NRF1: variants seen among roughly 807,000 people sequenced by gnomAD.
NRF1 encodes the protein alpha palindromic-binding protein.
Under a neutral mutation model 58.5 loss-of-function variants are expected in NRF1, and 5 were observed. The observed-to-expected ratio is 0.09, with a 90% CI of 0.04 to 0.18. NRF1 has a LOEUF of 0.18. NRF1 is among the 10% of genes least tolerant of loss of function. The probability of loss-of-function intolerance (pLI) is 1.00; values close to 1 mark genes in which losing one functional copy is unlikely to be tolerated. For missense variants in NRF1, 288 were observed against 657.7 expected (o/e 0.44, Z 6.15); for synonymous variants, 224 against 246.7 (o/e 0.91, Z 0.86).
At chr7:129,631,590 G>A (rs1366618478) in intron 1 of NRF1, among the ~76,000 whole-genome samples, 3 of 152,114 alleles carry the variant, frequency 2.0e-5, no homozygotes, top group Non-Finnish European at 4.4e-5. Context: ...TCAGGGAGAA[G>A]CCTATTCAGT....
At chr7:129,745,840 A>T (rs1803964772) in intron 10 of NRF1, among the ~76,000 whole-genome samples, 1 of 152,230 alleles carries the variant, frequency 6.6e-6, no homozygotes, top group South Asian at 2.1e-4. Context: ...CTTGAGATAT[A>T]TTTACTAATA....
At chr7:129,700,782 G>A (rs188301296) in intron 5 of NRF1, among the ~76,000 whole-genome samples, 1 of 152,232 alleles carries the variant, frequency 6.6e-6, no homozygotes, top group Admixed American at 6.5e-5. Flanking sequence ...GCCAGGCATG[G>A]TGGTGCATCC....
chr7:129,721,124 T>A (rs1318208090), intron 9 of NRF1, among the ~76,000 whole-genome samples: 1 of 152,188 alleles, frequency 6.6e-6, no homozygotes, highest in East Asian at 1.9e-4. Context: ...AGTGATTAAT[T>A]TGAACTTTCA....
chr7:129,655,109 GT>G (rs1474228972), intron 1 of NRF1, among the ~76,000 whole-genome samples: 1 of 151,906 alleles, frequency 6.6e-6, no homozygotes, highest in Non-Finnish European at 1.5e-5. Flanking sequence ...TCTCTATTTA[GT>G]TTTTATTTGA....
chr7:129,646,923 T>C (rs570096552), intron 1 of NRF1, among the ~76,000 whole-genome samples: 6 of 152,338 alleles, frequency 3.9e-5, no homozygotes, highest in African/African-American at 1.2e-4. Context: ...GCTTTAGTTA[T>C]TAAAATGTGC....
At chr7:129,703,798 G>C (rs905404760) in intron 5 of NRF1, among the ~76,000 whole-genome samples, 6 of 152,166 alleles carry the variant, frequency 3.9e-5, no homozygotes, top group African/African-American at 7.2e-5. Flanking sequence ...GCTGATTTCA[G>C]TCTGGTTCCA....
intron 8 of NRF1, among the ~76,000 whole-genome samples, chr7:129,715,168 A>G (rs1398599751): frequency 6.6e-6 from 1 of 152,220 alleles, no homozygotes; most frequent in Non-Finnish European, 1.5e-5. Context: ...TACTAAAATC[A>G]GTAGTTCTGT....
chr7:129,679,591 C>CT (rs1802259843), intron 4 of NRF1, among the ~76,000 whole-genome samples: 1 of 150,362 alleles, frequency 6.7e-6, no homozygotes, highest in Admixed American at 6.6e-5. Flanking sequence ...GGCCTGGTGG[C>CT]ACATGCCTGT....
chr7:129,674,812 G>A lies in NRF1; in HGVS notation c.339-2820G>A, dbSNP rs114511893. Among the ~76,000 whole-genome samples, 758 of 152,260 alleles carry A rather than the reference G, an allele frequency of 5.0e-3. 8 individuals carry two copies. Among genetic ancestry groups the A allele is most frequent in the African/African-American group, 0.017 (702 of 41,558 alleles). On this transcript the variant is annotated intron_variant, in intron 3 of 10. Transcript: ENST00000393232. ...ACTCATAATCTTATTGCTGGTTGAC[G>A]GTCTTGCCTCGATGTTGATGACTGC... is the stretch of plus-strand genomic sequence containing the variant.
In NRF1 at chr7:129,754,895, T is replaced by C. The variant is rs999343722; in HGVS notation, c.1349-123T>C. On this transcript the variant is annotated intron_variant, in intron 10 of 10. Coordinates refer to ENST00000393232, the MANE Select transcript of NRF1 (RefSeq NM_005011.5). ...GATGTCTTTGTGCCTGGGCCATGGG[T>C]ATGTGATCACCTGAGGCTGGTGACC... The C allele has an allele frequency of 1.5e-5, 13 of 876,856 alleles. No homozygotes were observed. The African/African-American group carries it at 2.1e-4, about 14-fold the overall frequency. 54.3% of individuals were successfully genotyped at this position (876,856 alleles called of 1,614,324 possible).
At chr7:129,675,694 C>G (rs1273119111) in intron 3 of NRF1, among the ~76,000 whole-genome samples, 1 of 152,144 alleles carries the variant, frequency 6.6e-6, no homozygotes, top group East Asian at 1.9e-4. Flanking sequence ...TGGGTCTCAA[C>G]AGTGGTCTTA....
chr7:129,625,956 A>G (rs1406299714), intron 1 of NRF1, among the ~76,000 whole-genome samples: 1 of 152,082 alleles, frequency 6.6e-6, no homozygotes, highest in Non-Finnish European at 1.5e-5. Context: ...TGCTGGGATT[A>G]CAAGCATGAG....
chr7:129,690,334 C>G (rs914460190), intron 4 of NRF1, 72 bp from the exon 5 acceptor site: 5 of 1,534,682 alleles, frequency 3.3e-6, no homozygotes, highest in African/African-American at 2.7e-5. Context: ...CCCACCCACT[C>G]TCTTGTTGCT....
chr7:129,650,562 A>T (rs1217227453), intron 1 of NRF1, among the ~76,000 whole-genome samples: 1 of 152,144 alleles, frequency 6.6e-6, no homozygotes, highest in Non-Finnish European at 1.5e-5. Context: ...AGTGCTTGTG[A>T]GACTAGTCAA....
chr7:129,662,383 A>AGTGT (rs3042950), intron 2 of NRF1, among the ~76,000 whole-genome samples: 2,634 of 145,812 alleles, frequency 0.018, 33 homozygotes, highest in African/African-American at 0.033. Flanking sequence ...TAGAATTTCT[A>AGTGT]GTGTGTGTGT....
chr7:129,656,758 A>G (rs1801666314), intron 1 of NRF1, among the ~76,000 whole-genome samples: 1 of 151,934 alleles, frequency 6.6e-6, no homozygotes, highest in Non-Finnish European at 1.5e-5. Flanking sequence ...TGTATTTTTA[A>G]TAGAGACAGG....
intron 1 of NRF1, among the ~76,000 whole-genome samples, chr7:129,656,216 C>T (rs1008831280): frequency 6.6e-6 from 1 of 151,866 alleles, no homozygotes; most frequent in African/African-American, 2.4e-5. Context: ...AACTTGGCAG[C>T]ATATTTGATC....
chr7:129,684,470 A>C (rs1465447394), intron 4 of NRF1, among the ~76,000 whole-genome samples: 1 of 152,210 alleles, frequency 6.6e-6, no homozygotes, highest in African/African-American at 2.4e-5. Flanking sequence ...TATTAACCGA[A>C]AACCTCAATA....
At chr7:129,720,251 A>G (rs77320326) in intron 9 of NRF1, among the ~76,000 whole-genome samples, 18 of 152,334 alleles carry the variant, frequency 1.2e-4, no homozygotes, top group African/African-American at 4.3e-4. Context: ...AGACTAGACT[A>G]TAGCAGACTA....
Sources: gnomAD v4.1 joint callset for allele counts (sites outside exome capture counted in the v4.1 genomes callset) on GRCh38, gnomAD v4.1.1 for gene constraint, MANE v1.5 for transcripts, NCBI Gene and HGNC (gene_info 2026-07-23, HGNC 2026-07-21) for gene names.